PRELID2: variants seen among roughly 807,000 people sequenced by gnomAD.
The protein encoded by PRELID2 is PRELI domain-containing protein 2.
A neutral mutation model predicts 28.4 loss-of-function variants in PRELID2; 25 were observed. The ratio of observed to expected loss-of-function variants is 0.88; its 90% confidence interval spans 0.64 to 1.23. PRELID2 has a LOEUF of 1.23. Ranked by LOEUF, PRELID2 falls within the 50% of genes most tolerant of loss-of-function variation. The pLI is 0.00. For synonymous variants in PRELID2, 76 were observed against 71.6 expected (o/e 1.06, Z -0.31); for missense variants, 201 against 214.4 (o/e 0.94, Z 0.39).
chr5:145,527,120 G>T (rs1752615471), intron 1 of PRELID2, among the ~76,000 whole-genome samples: 2 of 152,292 alleles, frequency 1.3e-5, no homozygotes, highest in African/African-American at 4.8e-5. Flanking sequence ...AGGTATTGGT[G>T]GGGGAAGGAA....
intron 1 of PRELID2, among the ~76,000 whole-genome samples, chr5:145,514,566 A>G (rs548781723): frequency 1.7e-4 from 26 of 152,286 alleles, no homozygotes; most frequent in African/African-American, 6.3e-4. Flanking sequence ...TTAACACTCC[A>G]CTGTCAATAT....
At chr5:145,437,886 A>G in the PRELID2 span, among the ~76,000 whole-genome samples, 1 of 152,244 alleles carries the variant, frequency 6.6e-6, no homozygotes, top group Non-Finnish European at 1.5e-5. Context: ...CAGGAGATGT[A>G]TATCTCTACC....
intron 1 of PRELID2, among the ~76,000 whole-genome samples, chr5:145,632,656 G>C (rs1753948657): frequency 6.6e-6 from 1 of 152,148 alleles, no homozygotes; most frequent in Non-Finnish European, 1.5e-5. Context: ...GTTGTGACTG[G>C]AAAAATTCTA....
At chr5:145,770,021 G>C (rs1366811249) in intron 5 of PRELID2, among the ~76,000 whole-genome samples, 1 of 152,184 alleles carries the variant, frequency 6.6e-6, no homozygotes. Context: ...CTATCACCTG[G>C]TGACGTTGTA....
chr5:145,425,070 G>GAAA, the PRELID2 span, among the ~76,000 whole-genome samples: 3 of 150,060 alleles, frequency 2.0e-5, no homozygotes, highest in African/African-American at 7.4e-5. Context: ...CAATGTACAA[G>GAAA]AAAAAAAAAC....
chr5:145,597,173 C>T (rs1753320831), intron 1 of PRELID2, among the ~76,000 whole-genome samples: 1 of 152,098 alleles, frequency 6.6e-6, no homozygotes, highest in African/African-American at 2.4e-5. Context: ...AAATTTATGA[C>T]ACTATTTCCT....
chr5:145,586,641 G>A (rs1163162155), intron 1 of PRELID2, among the ~76,000 whole-genome samples: 1 of 151,882 alleles, frequency 6.6e-6, no homozygotes, highest in Non-Finnish European at 1.5e-5. Flanking sequence ...AGCTCCTATG[G>A]GCATAGACTC....
At position 145,595,161 on chromosome 5, in the gene PRELID2, GACAC is replaced by G. The variant is rs3038287; in HGVS notation, n.71-121850_71-121847del. 1.9e-3 allele frequency among the ~76,000 whole-genome samples: 244 copies of G among 131,238 alleles called. 1 individual carries two copies. The highest frequency in any genetic ancestry group is 4.7e-3 in the South Asian group (18 of 3,814). The allele number at this position is 131,238 out of a possible 152,430, so 86.1% of individuals were successfully genotyped here. On this transcript the variant is annotated intron_variant and non_coding_transcript_variant, in intron 1 of 2. Coordinates refer to the PRELID2 transcript ENST00000510259. Reference sequence around the variant, plus strand: ...AAGAAGAAGAAGAAGAGTCATAATAGACACACACACACACACACACACACACACA... The same window carrying G: ...AAGAAGAAGAAGAAGAGTCATAATAGACACACACACACACACACACACACA...
rs117733412 is a variant in PRELID2 at position 145,825,707 on chromosome 5, T to C, written c.76-2573A>G. ...ACTCAAATACTTCACACTTACATAATTTTTGGAGTTGAACAGCCAAGAGCC... is the reference window on the plus strand; with the variant it reads ...ACTCAAATACTTCACACTTACATAACTTTTGGAGTTGAACAGCCAAGAGCC... On this transcript the variant is annotated intron_variant, in intron 1 of 6. Transcript: ENST00000683046. Among the ~76,000 whole-genome samples the C allele has an allele frequency of 8.4e-4, 128 of 152,260 alleles. 1 individual carries two copies. In the East Asian group the frequency reaches 0.024, roughly 29 times the overall value.
intron 1 of PRELID2, among the ~76,000 whole-genome samples, chr5:145,617,315 G>A (rs539712769): frequency 6.6e-6 from 1 of 152,326 alleles, no homozygotes; most frequent in Admixed American, 6.5e-5. Context: ...TATTGACTGG[G>A]GAAGTGGTAA....
At chr5:145,274,917 G>A in the PRELID2 span, among the ~76,000 whole-genome samples, 2 of 152,094 alleles carry the variant, frequency 1.3e-5, no homozygotes, top group Non-Finnish European at 2.9e-5. Context: ...AGATCAAGGT[G>A]TCAGCAAGTT....
At chr5:145,723,999 T>A (rs1215550535) in intron 1 of PRELID2, among the ~76,000 whole-genome samples, 1 of 152,200 alleles carries the variant, frequency 6.6e-6, no homozygotes, top group African/African-American at 2.4e-5. Context: ...CACAATGGAA[T>A]GCTATGCATT....
chr5:145,689,871 C>G (rs921050439), intron 1 of PRELID2, among the ~76,000 whole-genome samples: 1 of 152,170 alleles, frequency 6.6e-6, no homozygotes, highest in African/African-American at 2.4e-5. Context: ...CCATTTACTA[C>G]TCCCAGTGTG....
intron 1 of PRELID2, among the ~76,000 whole-genome samples, chr5:145,693,725 G>T (rs1755197566): frequency 6.6e-6 from 1 of 152,140 alleles, no homozygotes; most frequent in South Asian, 2.1e-4. Context: ...AGAGAGCTCT[G>T]ATCATACCAC....
chr5:145,415,360 C>T, the PRELID2 span, among the ~76,000 whole-genome samples: 1 of 151,438 alleles, frequency 6.6e-6, no homozygotes, highest in Non-Finnish European at 1.5e-5. Flanking sequence ...TATACATGTG[C>T]CATGCTGGTG....
intron 5 of PRELID2, among the ~76,000 whole-genome samples, chr5:145,788,739 A>T (rs1752169202): frequency 1.3e-5 from 2 of 151,460 alleles, no homozygotes; most frequent in African/African-American, 4.9e-5. Flanking sequence ...TTTGCTGGCA[A>T]CATGATCTTA....
Position 145,677,882 on chromosome 5 carries a change from G to A in PRELID2, n.70+87049C>T, listed in dbSNP as rs182571681. ...TAATCCCAGCACTTTGGGAGGCCGC[G>A]GTGGGTGGGGTGCATTTTACAGAAA... On this transcript the variant is annotated intron_variant and non_coding_transcript_variant, in intron 1 of 2. Transcript: ENST00000510259. 3.5e-4 allele frequency among the ~76,000 whole-genome samples: 53 copies of A among 152,268 alleles called. No individual in the cohort carries two copies. In the East Asian group the frequency reaches 7.0e-3, roughly 20 times the overall value.
chr5:145,743,572 G>T (rs1328248197), intron 1 of PRELID2, among the ~76,000 whole-genome samples: 5 of 144,648 alleles, frequency 3.5e-5, no homozygotes, highest in Admixed American at 2.1e-4. Flanking sequence ...GTGGTGTGGC[G>T]GACCACCAGA....
chr5:145,518,043 T>C (rs915015738), intron 1 of PRELID2, among the ~76,000 whole-genome samples: 4 of 151,814 alleles, frequency 2.6e-5, no homozygotes, highest in Admixed American at 2.6e-4. Flanking sequence ...CTAATGTAGA[T>C]GGTGGGTTAA....
Sources: allele counts gnomAD v4.1 joint callset (sites outside exome capture counted in the v4.1 genomes callset), GRCh38; gene constraint gnomAD v4.1.1; transcripts MANE v1.5; gene names NCBI Gene and HGNC (gene_info 2026-07-23, HGNC 2026-07-21).